ADGRD1: variants seen among roughly 807,000 people sequenced by gnomAD.
ADGRD1 encodes the protein adhesion G protein-coupled receptor D1.
ADGRD1 carries 77 observed loss-of-function variants against 113.4 expected under a neutral mutation model. That is an observed-to-expected ratio of 0.68 (90% CI 0.57 to 0.82). ADGRD1 has a LOEUF of 0.82. Ranked by LOEUF, ADGRD1 falls within the 40% of genes least tolerant of loss-of-function variation. The pLI is 0.00. For synonymous variants in ADGRD1, 474 were observed against 475.0 expected (o/e 1.00, Z 0.03); for missense variants, 1,036 against 1,139.1 (o/e 0.91, Z 1.30).
intron 13 of ADGRD1, among the ~76,000 whole-genome samples, chr12:131,073,811 G>A (rs527419798): frequency 2.0e-5 from 3 of 152,160 alleles, no homozygotes; most frequent in African/African-American, 7.2e-5. Context: ...CTTGCTTTTT[G>A]TATCAACCTA....
At chr12:131,089,297 C>T (rs1886737094) in intron 15 of ADGRD1, among the ~76,000 whole-genome samples, 1 of 152,202 alleles carries the variant, frequency 6.6e-6, no homozygotes. Context: ...GAGCCCGAAC[C>T]AAGGGCCAGT....
At chr12:131,087,270 A>G (rs1283286529) in intron 15 of ADGRD1, among the ~76,000 whole-genome samples, 1 of 152,180 alleles carries the variant, frequency 6.6e-6, no homozygotes, top group Non-Finnish European at 1.5e-5. Flanking sequence ...GCTCTGAGAC[A>G]TATCTTAAGT....
chr12:131,129,253 TG>T (rs1325064783), intron 20 of ADGRD1, among the ~76,000 whole-genome samples: 1 of 133,296 alleles, frequency 7.5e-6, no homozygotes, highest in Non-Finnish European at 1.6e-5. Context: ...CCCTGCTGTC[TG>T]GGTGTGAGTG....
intron 13 of ADGRD1, among the ~76,000 whole-genome samples, chr12:131,049,510 T>C (rs1566065107): frequency 1.3e-5 from 2 of 152,228 alleles, no homozygotes; most frequent in Non-Finnish European, 2.9e-5. Context: ...CTTCCTAATA[T>C]GCCTTAGAAT....
At chr12:131,135,802 A>C (rs1268415679) in intron 21 of ADGRD1, among the ~76,000 whole-genome samples, 2 of 152,122 alleles carry the variant, frequency 1.3e-5, no homozygotes, top group Non-Finnish European at 2.9e-5. Flanking sequence ...GTGCTACCTG[A>C]ACTTTTCCAG....
chr12:131,063,862 A>G (rs1221193432), intron 13 of ADGRD1, among the ~76,000 whole-genome samples: 1 of 152,244 alleles, frequency 6.6e-6, no homozygotes, highest in Admixed American at 6.5e-5. Context: ...TTAAGACTGT[A>G]TATTAATTTT....
rs780477563 is a variant in ADGRD1 at position 130,982,014 on chromosome 12, G to A, written c.441G>A (p.Leu147=). Reference sequence around the variant, plus strand: ...GCGGTGGCAGAGGCTCTGTGGAGCTGTATACGCGGGACAATTCCATGACAT... The same window carrying A: ...GCGGTGGCAGAGGCTCTGTGGAGCTATATACGCGGGACAATTCCATGACAT... ...CSSGGRGSVE[L]YTRDNSMTWE... Residue 147 remains leucine (L), a synonymous_variant, in exon 5 of 25, where the codon CTG becomes CTA. Coordinates refer to ENST00000261654, the MANE Select transcript of ADGRD1 (RefSeq NM_198827.5). 1.2e-4 allele frequency: 193 copies of A among 1,613,892 alleles called. No homozygotes were observed. Among genetic ancestry groups the A allele is most frequent in the Non-Finnish European group, 1.5e-4 (179 of 1,179,920 alleles).
chr12:131,115,561 C>A lies in ADGRD1; in HGVS notation c.2042-2824C>A, dbSNP rs112547406. Among the ~76,000 whole-genome samples the A allele has an allele frequency of 2.3e-3, 356 of 152,326 alleles. 2 individuals carry two copies. The highest frequency in any genetic ancestry group is 8.0e-3 in the African/African-American group (332 of 41,564). On this transcript the variant is annotated intron_variant, in intron 18 of 24. Transcript: ENST00000261654. ...CCCACCTCGGTTAATCTCTCATAAC[C>A]CATGCTCCTCACCTGCCCCTCAATC...
intron 13 of ADGRD1, among the ~76,000 whole-genome samples, chr12:131,045,369 TGGGCATCAGCCCCAGGCAGGGA>T (rs1882583969): frequency 6.6e-6 from 1 of 152,216 alleles, no homozygotes; most frequent in African/African-American, 2.4e-5. Context: ...TGTTGGTCTC[TGGGCATCAGCCCCAGGCAGGGA>T]GGGCGACAGG....
At chr12:131,082,970 C>A (rs1208945143) in intron 14 of ADGRD1, among the ~76,000 whole-genome samples, 1 of 152,240 alleles carries the variant, frequency 6.6e-6, no homozygotes, top group Non-Finnish European at 1.5e-5. Flanking sequence ...CCCTCCCTCG[C>A]GCTCCACGTC....
chr12:131,082,952 G>A (rs1045094546), intron 14 of ADGRD1, among the ~76,000 whole-genome samples: 4 of 152,180 alleles, frequency 2.6e-5, no homozygotes, highest in African/African-American at 9.7e-5. Flanking sequence ...CGGAAAGACC[G>A]TCCCAACCCC....
chr12:130,963,285 A>G (rs1015661419), intron 2 of ADGRD1, among the ~76,000 whole-genome samples: 1 of 136,480 alleles, frequency 7.3e-6, no homozygotes, highest in African/African-American at 2.8e-5. Flanking sequence ...GCGCCACTGC[A>G]CTCCAGCCTG....
intron 4 of ADGRD1, chr12:130,977,694 G>C (rs536213536): frequency 6.6e-6 from 1 of 152,338 alleles, no homozygotes; most frequent in Non-Finnish European, 1.5e-5. Context: ...CCATGCCTGG[G>C]TCAGTCCTGG....
At chr12:131,048,040 G>A (rs529414777) in intron 13 of ADGRD1, among the ~76,000 whole-genome samples, 2 of 152,288 alleles carry the variant, frequency 1.3e-5, no homozygotes, top group African/African-American at 4.8e-5. Flanking sequence ...AAGGGGGTTG[G>A]GGGCTTCACA....
intron 13 of ADGRD1, chr12:131,030,901 CT>C (rs1443740917): frequency 1.3e-5 from 2 of 152,266 alleles, no homozygotes; most frequent in African/African-American, 4.8e-5. Flanking sequence ...CATCTGCAGC[CT>C]GTTGTTCTGG....
At chr12:131,045,514 C>T (rs934627774) in intron 13 of ADGRD1, among the ~76,000 whole-genome samples, 3 of 143,550 alleles carry the variant, frequency 2.1e-5, no homozygotes, top group South Asian at 2.3e-4. Flanking sequence ...GACCCCCCCC[C>T]ACCCCCGCCT....
intron 18 of ADGRD1, among the ~76,000 whole-genome samples, chr12:131,111,707 C>T (rs1342077317): frequency 6.6e-6 from 1 of 152,028 alleles, no homozygotes; most frequent in Non-Finnish European, 1.5e-5. Context: ...TATTTTGGAA[C>T]CCCTCTAGTG....
chr12:130,961,064 G>C (rs1323058133), intron 2 of ADGRD1, among the ~76,000 whole-genome samples: 6 of 152,224 alleles, frequency 3.9e-5, no homozygotes. Context: ...GCATTCCTCT[G>C]TGTGATATAG....
At chr12:131,110,382 C>T (rs551816462) in intron 18 of ADGRD1, among the ~76,000 whole-genome samples, 7 of 151,152 alleles carry the variant, frequency 4.6e-5, no homozygotes, top group Non-Finnish European at 8.8e-5. Context: ...ATTTTCTTAG[C>T]GATTGACCTA....
Sources: gnomAD v4.1 joint callset for allele counts (sites outside exome capture counted in the v4.1 genomes callset) on GRCh38, gnomAD v4.1.1 for gene constraint, MANE v1.5 for transcripts, NCBI Gene and HGNC (gene_info 2026-07-23, HGNC 2026-07-21) for gene names.